The following NET1 variants were observed in gnomAD, a reference collection of about 807,000 sequenced individuals.
NET1 encodes the protein neuroepithelial cell-transforming gene 1 protein.
In NET1, 42 loss-of-function variants were observed where a neutral mutation model predicts 61.1. The observed-to-expected ratio is 0.69, with a 90% confidence interval of 0.54 to 0.89. The LOEUF is 0.89. Ranked by LOEUF, NET1 falls within the 40% of genes least tolerant of loss-of-function variation. The pLI, the probability that NET1 is intolerant of heterozygous loss-of-function variation, is 0.00. For synonymous variants in NET1, 254 were observed against 281.8 expected, an observed-to-expected ratio of 0.90 and a Z score of 0.99; for missense variants, 654 against 747.3, an observed-to-expected ratio of 0.88 and a Z score of 1.46.
At position 5,420,223 on chromosome 10, in the gene NET1, A is replaced by T. The variant is rs559683845; in HGVS notation, c.129-6432A>T. Among the ~76,000 whole-genome samples, 1 of 152,356 alleles carries T rather than the reference A, an allele frequency of 6.6e-6. No homozygotes were observed. Among genetic ancestry groups the T allele is most frequent in the East Asian group, 1.9e-4 (1 of 5,188 alleles). On this transcript the variant is annotated intron_variant, in intron 1 of 11. Coordinates refer to ENST00000355029, the MANE Select transcript of NET1 (RefSeq NM_001047160.3). The surrounding 1 kb of genome is among the most constrained non-coding windows in gnomAD (Gnocchi z 5.3). ...TAAACCAAGCAGTTCTACCCACAGAAATTTATCTTAAAGTAATGGGCAAGT... is the reference window on the plus strand; with the variant it reads ...TAAACCAAGCAGTTCTACCCACAGATATTTATCTTAAAGTAATGGGCAAGT...
rs923265856 is a variant in NET1 at position 5,417,376 on chromosome 10, C to G, written c.128+4556C>G. ...AGAAATGCCTATCCTCACTTAGGTC[C>G]GTGGGCCCAGGCCTGGGGATGGAGC... On this transcript the variant is annotated intron_variant, in intron 1 of 11. Coordinates refer to ENST00000355029, the MANE Select transcript of NET1 (RefSeq NM_001047160.3). The surrounding 1 kb of genome is among the most constrained non-coding windows in gnomAD (Gnocchi z 5.5). Among the ~76,000 whole-genome samples the G allele has an allele frequency of 1.3e-5, 2 of 152,226 alleles. No individual in the cohort carries two copies. The highest frequency in any genetic ancestry group is 2.1e-4 in the South Asian group (1 of 4,812).
chr10:5,436,218 G>C (rs1439626370), intron 3 of NET1, among the ~76,000 whole-genome samples: 1 of 40,550 alleles, frequency 2.5e-5, no homozygotes, highest in Non-Finnish European at 4.6e-5. Context: ...GTGTGTGTGT[G>C]TGTGTGCATA....
Position 5,437,312 on chromosome 10 carries a change from A to G in NET1, c.255+8083A>G, listed in dbSNP as rs188098550. Among the ~76,000 whole-genome samples, 35 of 152,144 alleles carry G rather than the reference A, an allele frequency of 2.3e-4. No individual in the cohort carries two copies. The East Asian group carries it at 6.2e-3, about 27-fold the overall frequency. On this transcript the variant is annotated intron_variant, in intron 3 of 11. Coordinates refer to ENST00000355029, the MANE Select transcript of NET1 (RefSeq NM_001047160.3). This position sits in a 1 kb window ranked among gnomAD's most constrained non-coding sequence, Gnocchi z 4.3. Reference sequence around the variant, plus strand: ...TATATGCTATAGCTTGCTTTTTTTAATTTATGTTTTATTGGTACATATAAA... The same window carrying G: ...TATATGCTATAGCTTGCTTTTTTTAGTTTATGTTTTATTGGTACATATAAA...
Position 5,451,212 on chromosome 10 carries a change from C to T in NET1, c.256-618C>T, listed in dbSNP as rs959132663. ...AAGTGGTAGAGCCGGGATTTGTGCC[C>T]AGTCAGATTTCAGAGCCTGGGTGCT... On this transcript the variant is annotated intron_variant, in intron 3 of 11. Transcript: ENST00000355029. This position sits in a 1 kb window ranked among gnomAD's most constrained non-coding sequence, Gnocchi z 6.1. Among the ~76,000 whole-genome samples the T allele has an allele frequency of 1.3e-5, 2 of 152,176 alleles. No homozygotes were observed. The highest frequency in any genetic ancestry group is 2.4e-5 in the African/African-American group (1 of 41,442).
rs1033402924 is a variant in NET1 at position 5,412,632 on chromosome 10, C to G, written c.-61C>G. On this transcript the variant is annotated 5_prime_UTR_variant, in exon 1 of 12. The change creates a new upstream start codon in the 5' untranslated region. Coordinates refer to ENST00000355029, the MANE Select transcript of NET1 (RefSeq NM_001047160.3). The surrounding 1 kb of genome is among the most constrained non-coding windows in gnomAD (Gnocchi z 6.5). Reference sequence around the variant, plus strand: ...CTGCCTGGCAGAGGCTGGCGGGCATCGTGCCCGTCCCTGCCGGTCTCCCGG... The same window carrying G: ...CTGCCTGGCAGAGGCTGGCGGGCATGGTGCCCGTCCCTGCCGGTCTCCCGG... 7.0e-7 allele frequency: 1 copy of G among 1,426,222 alleles called. No homozygotes were observed. Among genetic ancestry groups the G allele is most frequent in the Non-Finnish European group, 9.1e-7 (1 of 1,100,992 alleles). 88.3% of individuals were successfully genotyped at this position (1,426,222 alleles called of 1,614,324 possible). A position where few individuals can be genotyped will look rare whatever the true frequency, so the allele number is the denominator to read the frequency against.
intron 3 of NET1, 97 bp downstream of exon 3, chr10:5,429,326 TTTTG>T (rs1425580891): frequency 5.6e-6 from 5 of 890,946 alleles, no homozygotes; most frequent in Non-Finnish European, 8.7e-6. Flanking sequence ...GTTTGGGTTT[TTTTG>T]TTTTTTTGTT....
intron 3 of NET1, among the ~76,000 whole-genome samples, chr10:5,436,246 ATATTTTTTTTTTTTT>A (rs1832435850): frequency 2.9e-5 from 1 of 34,138 alleles, no homozygotes; most frequent in Non-Finnish European, 5.0e-5. Flanking sequence ...ATATATATAT[ATATTTTTTTTTTTTT>A]TTTTTTTTTT....
Position 5,424,534 on chromosome 10 carries a change from T to G in NET1, c.129-2121T>G, listed in dbSNP as rs1832229069. 1.3e-5 allele frequency among the ~76,000 whole-genome samples: 2 copies of G among 152,210 alleles called. No homozygotes were observed. The highest frequency in any genetic ancestry group is 4.1e-4 in the South Asian group (2 of 4,828). On this transcript the variant is annotated intron_variant, in intron 1 of 11. Transcript: ENST00000355029. This position sits in a 1 kb window ranked among gnomAD's most constrained non-coding sequence, Gnocchi z 6.1. ...TTCTCAAGAAAAAAATACCATTTTC[T>G]TTGTTGATGCTTGACTTTTCTGCAG... is the stretch of plus-strand genomic sequence containing the variant.
intron 2 of NET1, among the ~76,000 whole-genome samples, chr10:5,428,427 T>A (rs559305885): frequency 9.1e-6 from 1 of 110,444 alleles, no homozygotes; most frequent in Non-Finnish European, 1.9e-5. Flanking sequence ...CTTAATTACT[T>A]TGGGCCATGA....
intron 3 of NET1, among the ~76,000 whole-genome samples, chr10:5,433,125 G>A (rs1168616509): frequency 6.6e-6 from 1 of 152,122 alleles, no homozygotes; most frequent in African/African-American, 2.4e-5. Flanking sequence ...AAAATAGTTT[G>A]TCAGAGCTTT....
Position 5,414,250 on chromosome 10 carries a change from C to T in NET1, c.128+1430C>T, listed in dbSNP as rs111531542. ...AGGTAAGCGCCACATCATGAAGAGA[C>T]CTTGTATGCCTTGACAGAGTTTGGG... On this transcript the variant is annotated intron_variant, in intron 1 of 11. Transcript: ENST00000355029. 7.0e-3 allele frequency among the ~76,000 whole-genome samples: 1,069 copies of T among 152,176 alleles called. 11 individuals are homozygous for T. The highest frequency in any genetic ancestry group is 0.025 in the African/African-American group (1,017 of 41,498).
chr10:5,452,417 G>T lies in NET1; in HGVS notation c.423G>T (p.Arg141Ser), dbSNP rs773822256. 4 of 1,614,012 alleles carry T rather than the reference G, an allele frequency of 2.5e-6. No individual in the cohort carries two copies. The highest frequency in any genetic ancestry group is 2.2e-5 in the South Asian group (2 of 91,064). ...SPASAQKFSS[R>S]STVPTPAKRR... ...CCTCTGCCCAGAAGTTTTCTAGCAG[G>T]TCAACAGTCCCAACACCCGCCAAGA... The change falls in exon 5 of 12, where the codon AGG becomes AGT. Residue 141 changes from arginine to serine, a missense_variant. Arg to Ser is a moderately radical substitution (Grantham distance 110). Coordinates refer to ENST00000355029, the MANE Select transcript of NET1 (RefSeq NM_001047160.3). The surrounding 1 kb of genome is among the most constrained non-coding windows in gnomAD (Gnocchi z 4.0).
rs1052973509 is a variant in NET1, at chr10:5,420,308, G to C, written c.129-6347G>C. Among the ~76,000 whole-genome samples the C allele has an allele frequency of 1.3e-5, 2 of 152,154 alleles. No individual in the cohort carries two copies. The highest frequency in any genetic ancestry group is 6.5e-5 in the Admixed American group (1 of 15,288). Reference sequence around the variant, plus strand: ...GCACATTTGTGTAGTAGAAAGGTTAGAAAAAACAGGAGGAGGAAGCTAAAT... The same window carrying C: ...GCACATTTGTGTAGTAGAAAGGTTACAAAAAACAGGAGGAGGAAGCTAAAT... On this transcript the variant is annotated intron_variant, in intron 1 of 11. Transcript: ENST00000355029. This position sits in a 1 kb window ranked among gnomAD's most constrained non-coding sequence, Gnocchi z 5.3.
At chr10:5,428,787 A>G (rs1421772402) in intron 2 of NET1, among the ~76,000 whole-genome samples, 2 of 151,244 alleles carry the variant, frequency 1.3e-5, no homozygotes, top group East Asian at 1.9e-4. Flanking sequence ...CAGTGGCGCA[A>G]TCTCGGCTCA....
chr10:5,446,831 C>G lies in NET1; in HGVS notation c.256-4999C>G. 1 of 1,611,588 alleles carries G rather than the reference C, an allele frequency of 6.2e-7. No individual in the cohort carries two copies. Among genetic ancestry groups the G allele is most frequent in the Non-Finnish European group, 8.5e-7 (1 of 1,178,494 alleles). On this transcript the variant is annotated intron_variant, in intron 3 of 11. Transcript: ENST00000355029. This position sits in a 1 kb window ranked among gnomAD's most constrained non-coding sequence, Gnocchi z 5.0. ...AAAGGACCATACGAGTCCTAGATGTCAATAACCAGTCCTTCAGAGAACAAG... is the reference window on the plus strand; with the variant it reads ...AAAGGACCATACGAGTCCTAGATGTGAATAACCAGTCCTTCAGAGAACAAG...
In NET1 at chr10:5,444,360, C is replaced by G. The variant is rs1433836438; in HGVS notation, c.256-7470C>G. 6.6e-6 allele frequency among the ~76,000 whole-genome samples: 1 copy of G among 152,332 alleles called. No individual in the cohort carries two copies. ...GTCCTTCCTGCAAGAAGTAGCAACT[C>G]TCCTGCAAACCTTAGGCAATTACTT... On this transcript the variant is annotated intron_variant, in intron 3 of 11. Transcript: ENST00000355029. The surrounding 1 kb of genome is among the most constrained non-coding windows in gnomAD (Gnocchi z 5.3).
intron 1 of NET1, among the ~76,000 whole-genome samples, chr10:5,418,327 CTTG>C (rs1316662184): frequency 1.3e-5 from 2 of 151,950 alleles, no homozygotes; most frequent in Admixed American, 6.6e-5. Context: ...AATCTCATCT[CTTG>C]TTGTAGGTGT....
In NET1 at chr10:5,457,159, A is replaced by G; in HGVS notation, c.*165A>G. The stretch of plus-strand genomic sequence containing the variant: ...TTTTTTTAATGGCAGCTAAAGATAT[A>G]CAGATTACTGTTAAATTGCAGTCCT... On this transcript the variant is annotated 3_prime_UTR_variant, in exon 12 of 12. Coordinates refer to ENST00000355029, the MANE Select transcript of NET1 (RefSeq NM_001047160.3). This position sits in a 1 kb window ranked among gnomAD's most constrained non-coding sequence, Gnocchi z 5.4. 2.0e-6 allele frequency: 1 copy of G among 495,204 alleles called. No homozygotes were observed. Among genetic ancestry groups the G allele is most frequent in the East Asian group, 3.5e-5 (1 of 28,880 alleles). The allele number at this position is 495,204 out of a possible 1,614,324, so 30.7% of individuals were successfully genotyped here. A position where few individuals can be genotyped will look rare whatever the true frequency, so the allele number is the denominator to read the frequency against.
In NET1 at chr10:5,423,500, C is replaced by T. The variant is rs1832211736; in HGVS notation, c.129-3155C>T. Among the ~76,000 whole-genome samples the T allele has an allele frequency of 6.6e-6, 1 of 152,170 alleles. No homozygotes were observed. Among genetic ancestry groups the T allele is most frequent in the Non-Finnish European group, 1.5e-5 (1 of 68,004 alleles). On this transcript the variant is annotated intron_variant, in intron 1 of 11. Coordinates refer to ENST00000355029, the MANE Select transcript of NET1 (RefSeq NM_001047160.3). The surrounding 1 kb of genome is among the most constrained non-coding windows in gnomAD (Gnocchi z 4.4). ...AACATTAAAGGCCAAGGAAAATCTA[C>T]AGGAGTCAAATCGGGAACTTAATTT...
Sources: allele counts gnomAD v4.1 joint callset (sites outside exome capture counted in the v4.1 genomes callset), GRCh38; gene constraint gnomAD v4.1.1; non-coding constraint Gnocchi (gnomAD v3.1); transcripts MANE v1.5; gene names NCBI Gene and HGNC (gene_info 2026-07-23, HGNC 2026-07-21).